The following PCCB variants were observed in gnomAD, a reference collection of about 807,000 sequenced individuals.
PCCB encodes the protein propionyl-CoA carboxylase beta chain, mitochondrial.
A neutral mutation model predicts 60.7 loss-of-function variants in PCCB; 43 were observed. The ratio of observed to expected loss-of-function variants is 0.71; its 90% CI spans 0.55 to 0.91. The LOEUF is 0.91. PCCB is among the 40% of genes least tolerant of loss of function. The pLI, the probability that PCCB is intolerant of heterozygous loss-of-function variation, is 0.00. For missense variants in PCCB, 766 were observed against 702.8 expected, an observed-to-expected ratio of 1.09 and a Z score of -1.02; for synonymous variants, 276 against 255.9, an observed-to-expected ratio of 1.08 and a Z score of -0.75.
intron 10 of PCCB, among the ~76,000 whole-genome samples, chr3:136,325,856 C>T (rs1021140808): frequency 4.6e-5 from 7 of 152,052 alleles, no homozygotes; most frequent in Admixed American, 1.3e-4. Context: ...CTCTGTCACC[C>T]GGGCTGGAGT....
At chr3:136,285,939 G>T (rs1354118932) in intron 6 of PCCB, among the ~76,000 whole-genome samples, 1 of 152,148 alleles carries the variant, frequency 6.6e-6, no homozygotes, top group African/African-American at 2.4e-5. Context: ...AAAATACTAA[G>T]TCTTTTTTAA....
intron 14 of PCCB, 140 bp from the exon 15 acceptor site, chr3:136,329,765 C>T (rs905800946): frequency 8.0e-6 from 7 of 873,966 alleles, no homozygotes; most frequent in Admixed American, 3.9e-5. Context: ...GGGGAATTCA[C>T]AGGGCCTACC....
At chr3:136,264,101 T>C (rs1215365796) in intron 5 of PCCB, among the ~76,000 whole-genome samples, 1 of 152,178 alleles carries the variant, frequency 6.6e-6, no homozygotes, top group Non-Finnish European at 1.5e-5. Context: ...TCACCAGTTG[T>C]TTACATTTTC....
chr3:136,326,736 A>G (rs933545027), intron 10 of PCCB, 67 bp from the exon 11 acceptor site: 2 of 1,111,052 alleles, frequency 1.8e-6, no homozygotes, highest in African/African-American at 3.1e-5. Context: ...GCTGAGGACA[A>G]ATCCCCATTG....
At chr3:136,285,189 T>C (rs1002477671) in intron 6 of PCCB, among the ~76,000 whole-genome samples, 1 of 151,872 alleles carries the variant, frequency 6.6e-6, no homozygotes, top group East Asian at 1.9e-4. Context: ...TATACACACC[T>C]AGCTGGTGCT....
intron 5 of PCCB, among the ~76,000 whole-genome samples, chr3:136,264,662 A>G (rs965446947): frequency 6.6e-6 from 1 of 151,140 alleles, no homozygotes; most frequent in African/African-American, 2.4e-5. Flanking sequence ...TCACGAGGTC[A>G]GGAGATCAAG....
chr3:136,323,159 C>T (rs553840503), intron 10 of PCCB, among the ~76,000 whole-genome samples: 22 of 152,158 alleles, frequency 1.4e-4, no homozygotes, highest in South Asian at 8.3e-4. Flanking sequence ...GGGAAGTTTT[C>T]GGACATTATT....
At chr3:136,325,907 G>T (rs1445471728) in intron 10 of PCCB, among the ~76,000 whole-genome samples, 1 of 151,916 alleles carries the variant, frequency 6.6e-6, no homozygotes, top group African/African-American at 2.4e-5. Flanking sequence ...TCCGCCTCCC[G>T]GGTTCACACC....
At chr3:136,273,487 G>GA in intron 5 of PCCB, among the ~76,000 whole-genome samples, 1 of 151,480 alleles carries the variant, frequency 6.6e-6, no homozygotes, top group East Asian at 1.9e-4. Context: ...ATAAATCTGG[G>GA]AGCTCCAGTA....
intron 9 of PCCB, among the ~76,000 whole-genome samples, chr3:136,305,902 T>A (rs1934440526): frequency 8.4e-6 from 1 of 118,882 alleles, no homozygotes; most frequent in African/African-American, 2.5e-5. Flanking sequence ...AAGAGAGAGG[T>A]ACCTTTGGAA....
intron 5 of PCCB, among the ~76,000 whole-genome samples, chr3:136,267,725 T>A (rs1161279405): frequency 6.6e-6 from 1 of 152,062 alleles, no homozygotes; most frequent in African/African-American, 2.4e-5. Context: ...GGACTTAAAC[T>A]GTCCTCCTAC....
chr3:136,317,159 A>G, intron 10 of PCCB, 95 bp downstream of exon 10: 2 of 1,239,494 alleles, frequency 1.6e-6, no homozygotes, highest in Non-Finnish European at 2.3e-6. Context: ...TGTTCTTCAG[A>G]CATGGCCTTC....
chr3:136,322,546 T>A (rs924461968), intron 10 of PCCB, among the ~76,000 whole-genome samples: 6 of 152,232 alleles, frequency 3.9e-5, no homozygotes, highest in Non-Finnish European at 8.8e-5. Flanking sequence ...ATATCTTCCT[T>A]AAATGTATGG....
chr3:136,325,972 C>T (rs1255200867), intron 10 of PCCB, among the ~76,000 whole-genome samples: 2 of 151,980 alleles, frequency 1.3e-5, no homozygotes, highest in African/African-American at 2.4e-5. Context: ...CGCCACCACA[C>T]CCGGCTAATT....
At chr3:136,271,432 G>T (rs565117468) in intron 5 of PCCB, among the ~76,000 whole-genome samples, 2 of 152,240 alleles carry the variant, frequency 1.3e-5, no homozygotes, top group African/African-American at 4.8e-5. Flanking sequence ...CATTGAATCT[G>T]TAGATTGCTT....
In PCCB at chr3:136,300,988, C is replaced by T. The variant is rs779997021; in HGVS notation, c.885-42C>T. ...CCCCATTCCCACAAAAGGTAACTGG[C>T]TCTTCCTATGTTGACTATACCTGCC... On this transcript the variant is annotated intron_variant, in intron 8 of 14. Coordinates refer to ENST00000251654, the MANE Select transcript of PCCB (RefSeq NM_000532.5). 2.0e-6 allele frequency: 3 copies of T among 1,468,828 alleles called. No homozygotes were observed. The East Asian group carries it at 6.8e-5, about 33-fold the overall frequency. The allele number at this position is 1,468,828 out of a possible 1,614,324, so 91.0% of individuals were successfully genotyped here. A position where few individuals can be genotyped will look rare whatever the true frequency, so the allele number is the denominator to read the frequency against.
chr3:136,270,640 G>C (rs1157421801), intron 5 of PCCB, among the ~76,000 whole-genome samples: 2 of 152,060 alleles, frequency 1.3e-5, no homozygotes, highest in African/African-American at 2.4e-5. Context: ...CGAGTAGCTG[G>C]GACTACAGGC....
chr3:136,300,171 T>C (rs369545247), intron 8 of PCCB, among the ~76,000 whole-genome samples: 2 of 151,488 alleles, frequency 1.3e-5, no homozygotes, highest in South Asian at 4.1e-4. Flanking sequence ...TACACATATG[T>C]ATATGTGTAT....
intron 9 of PCCB, among the ~76,000 whole-genome samples, chr3:136,307,911 G>A (rs1273612411): frequency 2.6e-5 from 4 of 152,022 alleles, no homozygotes; most frequent in African/African-American, 7.2e-5. Context: ...GGAGGCAGAG[G>A]TTGTGGTGAG....
Sources: allele counts gnomAD v4.1 joint callset (sites outside exome capture counted in the v4.1 genomes callset), GRCh38; gene constraint gnomAD v4.1.1; transcripts MANE v1.5; gene names NCBI Gene and HGNC (gene_info 2026-07-23, HGNC 2026-07-21).